PLAAT4: variants seen among roughly 807,000 people sequenced by gnomAD.
PLAAT4 encodes phospholipase A and acyltransferase 4.
A neutral mutation model predicts 14.1 loss-of-function variants in PLAAT4; 12 were observed. That is an observed-to-expected ratio of 0.85 (90% CI 0.54 to 1.37). The LOEUF (loss-of-function observed/expected upper bound fraction) is 1.37, where lower values mean the gene tolerates loss of function less well. Among genes scored for constraint, PLAAT4 ranks in the 40% most tolerant of loss-of-function variants. The pLI is 0.00. For synonymous variants in PLAAT4, 77 were observed against 79.8 expected, an observed-to-expected ratio of 0.96 and a Z score of 0.19; for missense variants, 163 against 211.7, an observed-to-expected ratio of 0.77 and a Z score of 1.43.
intron 3 of PLAAT4, 129 bp from the exon 4 acceptor site, chr11:63,546,020 G>A: frequency 2.6e-6 from 2 of 768,510 alleles, no homozygotes; most frequent in South Asian, 3.2e-5. Flanking sequence ...TGGGAGAGAA[G>A]AGAGGAGATG....
intron 2 of PLAAT4, among the ~76,000 whole-genome samples, chr11:63,540,989 C>T (rs1266983748): frequency 1.3e-5 from 2 of 152,170 alleles, no homozygotes; most frequent in Non-Finnish European, 1.5e-5. Flanking sequence ...AAACCATTCC[C>T]ATCACTATCA....
At chr11:63,546,011 G>A (rs1296607764) in intron 3 of PLAAT4, 138 bp from the exon 4 acceptor site, 4 of 737,752 alleles carry the variant, frequency 5.4e-6, no homozygotes, top group African/African-American at 5.3e-5. Flanking sequence ...CCAGCCAGCT[G>A]GGAGAGAAGA....
At chr11:63,543,779 C>T (rs2017340613) in intron 2 of PLAAT4, among the ~76,000 whole-genome samples, 1 of 152,214 alleles carries the variant, frequency 6.6e-6, no homozygotes, top group Non-Finnish European at 1.5e-5. Flanking sequence ...TGGTTGACAG[C>T]TCTTCTGTGT....
At chr11:63,537,434 GTGTGTGA>G (rs2134354791) in intron 1 of PLAAT4, among the ~76,000 whole-genome samples, 1 of 152,284 alleles carries the variant, frequency 6.6e-6, no homozygotes, top group East Asian at 1.9e-4. Flanking sequence ...GAGCTCGGTG[GTGTGTGA>G]CTAAAAAGGA....
At chr11:63,546,127 A>G (rs777747960) in intron 3 of PLAAT4, 22 bp from the exon 4 acceptor site, 20 of 1,606,088 alleles carry the variant, frequency 1.2e-5, no homozygotes, top group African/African-American at 1.2e-4. Flanking sequence ...TGAACGCTCA[A>G]CAAAAGCTGC....
At chr11:63,538,718 G>A (rs566713164) in intron 1 of PLAAT4, among the ~76,000 whole-genome samples, 9 of 152,248 alleles carry the variant, frequency 5.9e-5, no homozygotes, top group African/African-American at 2.2e-4. Context: ...ACCAGGGTGA[G>A]GGGTGTGCAG....
At chr11:63,545,975 C>A (rs34332905) in intron 3 of PLAAT4, among the ~76,000 whole-genome samples, 174 bp from the exon 4 acceptor site, 31 of 152,162 alleles carry the variant, frequency 2.0e-4, no homozygotes, top group Middle Eastern at 3.4e-3. Flanking sequence ...ATACAACCAA[C>A]GGCTTCTCTG....
intron 3 of PLAAT4, 43 bp from the exon 4 acceptor site, chr11:63,546,106 C>T (rs1330420069): frequency 6.5e-7 from 1 of 1,545,000 alleles, no homozygotes; most frequent in South Asian, 1.1e-5. Context: ...AAGTGCCAGC[C>T]TGGCTTGCCG....
intron 2 of PLAAT4, among the ~76,000 whole-genome samples, chr11:63,539,915 C>T (rs558636737): frequency 2.0e-5 from 3 of 152,298 alleles, no homozygotes; most frequent in South Asian, 2.1e-4. Flanking sequence ...GAGCCGAGAT[C>T]GTGCCATTGC....
At chr11:63,541,122 G>A (rs1047328500) in intron 2 of PLAAT4, among the ~76,000 whole-genome samples, 2 of 151,808 alleles carry the variant, frequency 1.3e-5, no homozygotes, top group Admixed American at 1.3e-4. Flanking sequence ...GATCCTCAGG[G>A]ACCTTGTAAG....
rs1249086476 is a variant in PLAAT4, at chr11:63,539,641, A to G, written c.118+17A>G. 2 of 1,563,966 alleles carry G rather than the reference A, an allele frequency of 1.3e-6. No homozygotes were observed. The highest frequency in any genetic ancestry group is 1.8e-6 in the Non-Finnish European group (2 of 1,137,776). On this transcript the variant is annotated intron_variant, in intron 2 of 3. Transcript: ENST00000255688. ...CTCCTCCAAGTAAGGACTGATGAATATATAATTTTCAAAATATTTGTTAAA... is the reference window on the plus strand; with the variant it reads ...CTCCTCCAAGTAAGGACTGATGAATGTATAATTTTCAAAATATTTGTTAAA...
At chr11:63,541,316 C>T (rs1055650325) in intron 2 of PLAAT4, among the ~76,000 whole-genome samples, 9 of 151,916 alleles carry the variant, frequency 5.9e-5, no homozygotes, top group African/African-American at 1.9e-4. Context: ...ATCAGCCTCC[C>T]GAATAGCTGA....
At chr11:63,541,978 A>G (rs2017325722) in intron 2 of PLAAT4, among the ~76,000 whole-genome samples, 1 of 152,224 alleles carries the variant, frequency 6.6e-6, no homozygotes, top group Admixed American at 6.5e-5. Context: ...AAAAGTAAAA[A>G]ACAATGATTA....
At chr11:63,541,195 C>G (rs975027826) in intron 2 of PLAAT4, among the ~76,000 whole-genome samples, 4 of 139,432 alleles carry the variant, frequency 2.9e-5, no homozygotes, top group African/African-American at 1.1e-4. Flanking sequence ...TGTAAAGAGG[C>G]TTTTTTTTTT....
chr11:63,538,488 A>G (rs2017292140), intron 1 of PLAAT4: 1 of 284,558 alleles, frequency 3.5e-6, no homozygotes, highest in African/African-American at 2.3e-5. Flanking sequence ...GGTTTTAGTG[A>G]CTGGATATTG....
rs767058985 is a variant in PLAAT4 at position 63,536,872 on chromosome 11, G to T, written c.4G>T (p.Ala2Ser). 2 of 1,612,606 alleles carry T rather than the reference G, an allele frequency of 1.2e-6. No homozygotes were observed. Among genetic ancestry groups the T allele is most frequent in the Non-Finnish European group, 1.7e-6 (2 of 1,179,288 alleles). The stretch of plus-strand genomic sequence containing the variant: ...CAGACCTCCTCTTGGCTTCGAGATG[G>T]CTTCGGTAAGTTTCCCAGGGCTTTG... M[A>S]SPHQEPKPGD... Residue 2 changes from alanine to serine, a missense_variant, in exon 1 of 4, where the codon GCT (alanine) becomes TCT (serine). Transcript: ENST00000255688.
chr11:63,539,382 G>T (rs1363775638), intron 1 of PLAAT4, 134 bp from the exon 2 acceptor site: 20 of 731,536 alleles, frequency 2.7e-5, no homozygotes, highest in Non-Finnish European at 4.2e-5. Flanking sequence ...TGACAGCAGG[G>T]CTGAGGATCT....
intron 2 of PLAAT4, among the ~76,000 whole-genome samples, chr11:63,543,451 G>A (rs568074836): frequency 7.2e-5 from 11 of 152,336 alleles, no homozygotes; most frequent in Non-Finnish European, 1.0e-4. Context: ...GATGATAGGC[G>A]TGTGCCACCA....
At chr11:63,545,105 AG>A in intron 3 of PLAAT4, 1 of 649,776 alleles carries the variant, frequency 1.5e-6, no homozygotes, top group South Asian at 1.9e-5. Flanking sequence ...TGTGCAGAGG[AG>A]GGGGTGGATG....
Sources: gnomAD v4.1 joint callset for allele counts (sites outside exome capture counted in the v4.1 genomes callset) on GRCh38, gnomAD v4.1.1 for gene constraint, MANE v1.5 for transcripts, NCBI Gene and HGNC (gene_info 2026-07-23, HGNC 2026-07-21) for gene names.